Variants in CSMD1 observed in about 807,000 individuals in gnomAD.
The protein encoded by CSMD1 is CUB and Sushi multiple domains 1.
CSMD1 carries 213 observed loss-of-function variants against 417.5 expected under a neutral mutation model. The observed-to-expected ratio is 0.51, with a 90% CI of 0.46 to 0.57. The LOEUF is 0.57. CSMD1 is among the 20% of genes least tolerant of loss of function. The probability of loss-of-function intolerance (pLI) is 0.00; values close to 1 mark genes in which losing one functional copy is unlikely to be tolerated. For missense variants in CSMD1, 6,923 were observed against 4,529.7 expected (o/e 1.53, Z -15.17); for synonymous variants, 2,862 against 1,736.8 (o/e 1.65, Z -16.11).
intron 17 of CSMD1, among the ~76,000 whole-genome samples, chr8:3,394,958 T>C (rs1249123922): frequency 6.6e-6 from 1 of 152,168 alleles, no homozygotes; most frequent in Non-Finnish European, 1.5e-5. Context: ...TCTTAAGATA[T>C]ACATGCATAT....
intron 2 of CSMD1, among the ~76,000 whole-genome samples, chr8:4,422,117 T>C (rs1797282865): frequency 6.6e-6 from 1 of 152,128 alleles, no homozygotes; most frequent in Non-Finnish European, 1.5e-5. Flanking sequence ...ATATGAATTA[T>C]CCTATAGCTA....
chr8:3,938,186 T>C (rs968120026), intron 5 of CSMD1, among the ~76,000 whole-genome samples: 24 of 152,258 alleles, frequency 1.6e-4, no homozygotes, highest in Non-Finnish European at 2.2e-4. Flanking sequence ...GGCATTGACA[T>C]TGCCTGTCAT....
rs979180108 is a variant in CSMD1 at position 4,328,505 on chromosome 8, G to A, written c.415+91448C>T. Among the ~76,000 whole-genome samples the A allele has an allele frequency of 3.3e-5, 5 of 151,928 alleles. 1 individual carries two copies. Among genetic ancestry groups the A allele is most frequent in the Middle Eastern group, 3.4e-3 (1 of 294 alleles). ...TACAAAAATTAGAAATACTCCTCCT[G>A]CTTTTTTGGTAATAAAGCATCTCCT... On this transcript the variant is annotated intron_variant, in intron 3 of 69. Transcript: ENST00000635120.
At chr8:3,287,408 A>G (rs1195017832) in intron 25 of CSMD1, among the ~76,000 whole-genome samples, 2 of 152,062 alleles carry the variant, frequency 1.3e-5, no homozygotes, top group Non-Finnish European at 2.9e-5. Context: ...GGCCATTTTC[A>G]CAATATTGAT....
chr8:2,948,879 A>G (rs1163069515), intron 68 of CSMD1, among the ~76,000 whole-genome samples: 1 of 152,098 alleles, frequency 6.6e-6, no homozygotes, highest in Non-Finnish European at 1.5e-5. Context: ...ATAACTAAAA[A>G]TAATCATCTT....
At chr8:2,959,902 A>T (rs1803313148) in intron 62 of CSMD1, among the ~76,000 whole-genome samples, 1 of 152,224 alleles carries the variant, frequency 6.6e-6, no homozygotes, top group African/African-American at 2.4e-5. Flanking sequence ...TTAAATTATT[A>T]GTAAATCTTG....
intron 1 of CSMD1, among the ~76,000 whole-genome samples, chr8:4,955,079 G>C (rs1203995518): frequency 6.6e-6 from 1 of 152,096 alleles, no homozygotes. Flanking sequence ...AATAGGCTCT[G>C]GAACAATCGC....
At chr8:4,294,230 C>G (rs1010604376) in intron 3 of CSMD1, among the ~76,000 whole-genome samples, 1 of 152,164 alleles carries the variant, frequency 6.6e-6, no homozygotes, top group African/African-American at 2.4e-5. Context: ...AACTGAACAT[C>G]TCTGAATTGA....
In CSMD1 at chr8:4,659,293, A is replaced by G. The variant is rs1585406652; in HGVS notation, c.86-21735T>C. 3.3e-5 allele frequency among the ~76,000 whole-genome samples: 5 copies of G among 152,276 alleles called. No homozygotes were observed. The South Asian group carries it at 8.3e-4, about 25-fold the overall frequency. ...AAAGATCAATTAACACCCTAACTAT[A>G]CAACTGAAGGAATTAGAGAAAGGAG... On this transcript the variant is annotated intron_variant, in intron 1 of 69. Coordinates refer to ENST00000635120, the MANE Select transcript of CSMD1 (RefSeq NM_033225.6).
At chr8:3,453,558 T>C (rs1222423626) in intron 12 of CSMD1, among the ~76,000 whole-genome samples, 1 of 152,234 alleles carries the variant, frequency 6.6e-6, no homozygotes, top group Non-Finnish European at 1.5e-5. Flanking sequence ...TCTACCTTCA[T>C]TTCGTTATGT....
intron 22 of CSMD1, among the ~76,000 whole-genome samples, chr8:3,345,567 G>T (rs560912180): frequency 6.6e-6 from 1 of 152,148 alleles, no homozygotes. Flanking sequence ...GGCTACACCT[G>T]TTCTGTACAA....
At position 4,179,269 on chromosome 8, in the gene CSMD1, T is replaced by A. The variant is rs1054951108; in HGVS notation, c.416-147170A>T. ...AACAGAACAGAGCCCTCAGAAATAA[T>A]GCCACGTATCTACAACTATCTGATC... On this transcript the variant is annotated intron_variant, in intron 3 of 69. Coordinates refer to ENST00000635120, the MANE Select transcript of CSMD1 (RefSeq NM_033225.6). Among the ~76,000 whole-genome samples the A allele has an allele frequency of 2.6e-5, 4 of 151,952 alleles. No homozygotes were observed. In the East Asian group the frequency reaches 7.7e-4, roughly 29 times the overall value.
chr8:3,797,488 A>T (rs1227702660), intron 5 of CSMD1, among the ~76,000 whole-genome samples: 1 of 151,926 alleles, frequency 6.6e-6, no homozygotes, highest in Non-Finnish European at 1.5e-5. Context: ...AATTCATTAC[A>T]TCTGATCTTT....
In CSMD1 at chr8:4,273,790, G is replaced by A. The variant is rs78847753; in HGVS notation, c.415+146163C>T. On this transcript the variant is annotated intron_variant, in intron 3 of 69. Coordinates refer to ENST00000635120, the MANE Select transcript of CSMD1 (RefSeq NM_033225.6). ...TTAGCCTCTGTAAGCTTCTGTCTGC[G>A]TGTATGTCTGGTGAAACCTGTACTG... Among the ~76,000 whole-genome samples, 1,114 of 152,242 alleles carry A rather than the reference G, an allele frequency of 7.3e-3. 10 individuals carry two copies. Among genetic ancestry groups the A allele is most frequent in the African/African-American group, 0.024 (1,005 of 41,552 alleles).
At chr8:4,492,684 G>C (rs539815091) in intron 2 of CSMD1, among the ~76,000 whole-genome samples, 13 of 152,220 alleles carry the variant, frequency 8.5e-5, no homozygotes, top group African/African-American at 1.9e-4. Flanking sequence ...AAGGTAAAAG[G>C]ATTTTTGAGA....
At chr8:3,764,172 C>G (rs957923181) in intron 5 of CSMD1, among the ~76,000 whole-genome samples, 7 of 152,164 alleles carry the variant, frequency 4.6e-5, no homozygotes, top group African/African-American at 1.4e-4. Flanking sequence ...GACCCCTCCT[C>G]CATTTAGATT....
At chr8:3,795,425 CATAGAT>C (rs1390491963) in intron 5 of CSMD1, among the ~76,000 whole-genome samples, 1 of 32,292 alleles carries the variant, frequency 3.1e-5, no homozygotes, top group African/African-American at 1.2e-4. Flanking sequence ...ATATATCTAT[CATAGAT>C]ATAGATATAT....
chr8:4,413,780 C>T (rs973343346), intron 3 of CSMD1, among the ~76,000 whole-genome samples: 7 of 152,006 alleles, frequency 4.6e-5, no homozygotes, highest in African/African-American at 1.4e-4. Context: ...CGAGAGATTT[C>T]GGTAGCTTCT....
At chr8:4,403,923 T>G (rs1804831541) in intron 3 of CSMD1, among the ~76,000 whole-genome samples, 1 of 152,204 alleles carries the variant, frequency 6.6e-6, no homozygotes. Context: ...TTAACTCCAA[T>G]CTTCGCCTTT....
Sources: gnomAD v4.1 joint callset for allele counts (sites outside exome capture counted in the v4.1 genomes callset) on GRCh38, gnomAD v4.1.1 for gene constraint, MANE v1.5 for transcripts, NCBI Gene and HGNC (gene_info 2026-07-23, HGNC 2026-07-21) for gene names.